PRKAG2: variants seen among roughly 807,000 people sequenced by gnomAD.
PRKAG2 encodes the protein protein kinase AMP-activated non-catalytic subunit gamma 2.
Under a neutral mutation model 69.6 loss-of-function variants are expected in PRKAG2, and 26 were observed. The observed-to-expected ratio is 0.37, with a 90% confidence interval of 0.27 to 0.52. PRKAG2 has a LOEUF of 0.52. Ranked by LOEUF, PRKAG2 falls within the 20% of genes least tolerant of loss-of-function variation. PRKAG2 has a pLI of 0.90. For synonymous variants in PRKAG2, 293 were observed against 285.0 expected (o/e 1.03, Z -0.28); for missense variants, 557 against 740.0 (o/e 0.75, Z 2.87).
chr7:151,597,831 C>CA (rs397765264), intron 5 of PRKAG2, among the ~76,000 whole-genome samples: 1 of 149,570 alleles, frequency 6.7e-6, no homozygotes, highest in African/African-American at 2.4e-5. Flanking sequence ...CCCCCCCCCC[C>CA]GCTCTTTTAT....
intron 3 of PRKAG2, among the ~76,000 whole-genome samples, chr7:151,750,295 C>A (rs1388366845): frequency 6.6e-6 from 1 of 152,108 alleles, no homozygotes; most frequent in Non-Finnish European, 1.5e-5. Flanking sequence ...GGTGTTCCAA[C>A]AACTTGTACA....
rs1186891941 is a variant in PRKAG2, at chr7:151,735,761, C to G, written c.466+45391G>C. 4.9e-6 allele frequency: 6 copies of G among 1,217,538 alleles called. No individual in the cohort carries two copies. In the African/African-American group the frequency reaches 9.1e-5, roughly 19 times the overall value. 75.4% of individuals were successfully genotyped at this position (1,217,538 alleles called of 1,614,324 possible). On this transcript the variant is annotated intron_variant, in intron 3 of 15. Coordinates refer to ENST00000287878, the MANE Select transcript of PRKAG2 (RefSeq NM_016203.4). ...AAGGAAACACTTCCCACGTATTCCT[C>G]TAACCACCGCCTGATGTTATATCCC...
At chr7:151,793,260 G>A (rs1344598509) in intron 1 of PRKAG2, among the ~76,000 whole-genome samples, 1 of 152,176 alleles carries the variant, frequency 6.6e-6, no homozygotes, top group Non-Finnish European at 1.5e-5. Flanking sequence ...AGGGTGTTTG[G>A]ACGGAGTCTC....
At chr7:151,833,896 C>T (rs974696086) in intron 1 of PRKAG2, among the ~76,000 whole-genome samples, 4 of 152,220 alleles carry the variant, frequency 2.6e-5, no homozygotes, top group Non-Finnish European at 4.4e-5. Context: ...ACACTGCCCC[C>T]GCTGGGAGCC....
chr7:151,678,725 G>A (rs184142868), intron 3 of PRKAG2, among the ~76,000 whole-genome samples: 52 of 152,332 alleles, frequency 3.4e-4, no homozygotes, highest in African/African-American at 9.9e-4. Flanking sequence ...TCAGGAGGCT[G>A]AAGTGGGTGG....
intron 3 of PRKAG2, among the ~76,000 whole-genome samples, chr7:151,776,274 T>C (rs987795559): frequency 1.3e-5 from 2 of 152,174 alleles, no homozygotes; most frequent in Non-Finnish European, 2.9e-5. Flanking sequence ...ATCCTTGCCC[T>C]TGTGAGTAGC....
At chr7:151,832,241 A>G (rs2079045693) in intron 1 of PRKAG2, among the ~76,000 whole-genome samples, 1 of 17,150 alleles carries the variant, frequency 5.8e-5, no homozygotes, top group Non-Finnish European at 1.3e-4. Context: ...GGAGAGGAGG[A>G]GGGAAGGAAG....
chr7:151,616,168 A>G (rs746419425), intron 5 of PRKAG2, among the ~76,000 whole-genome samples: 5 of 152,212 alleles, frequency 3.3e-5, no homozygotes, highest in East Asian at 1.9e-4. Context: ...TGGAGGGTGC[A>G]GTGGCTTCTC....
chr7:151,600,647 G>A lies in PRKAG2; in HGVS notation c.755-5193C>T, dbSNP rs138060514. ...ATGCATCTCCACATCTGGCTTCTCC[G>A]CAGCCTTATTTCCCAGCTCCTGGTT... On this transcript the variant is annotated intron_variant, in intron 5 of 15. Transcript: ENST00000287878. Among the ~76,000 whole-genome samples, 274 of 152,190 alleles carry A rather than the reference G, an allele frequency of 1.8e-3. 1 individual carries two copies. Among genetic ancestry groups the A allele is most frequent in the African/African-American group, 6.3e-3 (263 of 41,536 alleles).
chr7:151,772,338 C>T (rs2076060250), intron 3 of PRKAG2, among the ~76,000 whole-genome samples: 1 of 152,228 alleles, frequency 6.6e-6, no homozygotes, highest in South Asian at 2.1e-4. Context: ...GGGCTTCAAT[C>T]TCTGGTATGA....
chr7:151,786,356 C>T (rs1045997668), intron 2 of PRKAG2, 114 bp downstream of exon 2: 46 of 1,017,234 alleles, frequency 4.5e-5, no homozygotes, highest in Admixed American at 4.2e-4. Flanking sequence ...GGTGTGCAAG[C>T]GGACATGCGG....
At chr7:151,595,522 C>A in intron 5 of PRKAG2, 68 bp from the exon 6 acceptor site, 1 of 1,077,574 alleles carries the variant, frequency 9.3e-7, no homozygotes. Context: ...AGAGCATATA[C>A]GTAAACCTAT....
At chr7:151,684,184 C>T (rs1317787447) in intron 3 of PRKAG2, among the ~76,000 whole-genome samples, 3 of 152,146 alleles carry the variant, frequency 2.0e-5, no homozygotes, top group African/African-American at 7.2e-5. Context: ...GCCATGCCTC[C>T]AGCAACTCCT....
At chr7:151,572,597 A>G in intron 9 of PRKAG2, 67 bp downstream of exon 9, 1 of 1,179,694 alleles carries the variant, frequency 8.5e-7, no homozygotes, top group South Asian at 1.3e-5. Context: ...CAAAATGAAA[A>G]CATACTTTTC....
intron 1 of PRKAG2, among the ~76,000 whole-genome samples, chr7:151,796,735 G>A (rs538578783): frequency 1.8e-4 from 28 of 152,284 alleles, no homozygotes; most frequent in Admixed American, 3.3e-4. Flanking sequence ...GAGCTGACAC[G>A]GGGAGAGTGG....
intron 3 of PRKAG2, among the ~76,000 whole-genome samples, chr7:151,741,813 A>C (rs1012698497): frequency 1.3e-5 from 2 of 152,234 alleles, no homozygotes; most frequent in African/African-American, 4.8e-5. Flanking sequence ...TTCAACAGGT[A>C]GTTATTAAAC....
chr7:151,642,870 G>A lies in PRKAG2; in HGVS notation c.685-10732C>T, dbSNP rs140724491. On this transcript the variant is annotated intron_variant, in intron 4 of 15. Coordinates refer to ENST00000287878, the MANE Select transcript of PRKAG2 (RefSeq NM_016203.4). ...AAATAGGAGACAATGGTAAGCTTTT[G>A]AAGACAGTCATTCATTCAGCAAATA... 8.0e-3 allele frequency among the ~76,000 whole-genome samples: 1,226 copies of A among 152,324 alleles called. 6 individuals are homozygous for A. The highest frequency in any genetic ancestry group is 0.012 in the Non-Finnish European group (831 of 68,026).
chr7:151,612,175 G>A (rs987332544), intron 5 of PRKAG2, among the ~76,000 whole-genome samples: 1 of 152,138 alleles, frequency 6.6e-6, no homozygotes, highest in Admixed American at 6.5e-5. Context: ...AGAGAAAGAG[G>A]AGAGTTGAGT....
At chr7:151,665,718 T>A (rs1020814796) in intron 4 of PRKAG2, among the ~76,000 whole-genome samples, 1 of 152,204 alleles carries the variant, frequency 6.6e-6, no homozygotes, top group Non-Finnish European at 1.5e-5. Flanking sequence ...TAGTTTACCA[T>A]TTCTGGGCAG....
Sources: allele counts gnomAD v4.1 joint callset (sites outside exome capture counted in the v4.1 genomes callset), GRCh38; gene constraint gnomAD v4.1.1; transcripts MANE v1.5; gene names NCBI Gene and HGNC (gene_info 2026-07-23, HGNC 2026-07-21).